Variants in ARID4A observed in about 807,000 individuals in gnomAD.
ARID4A encodes the protein AT-rich interaction domain 4A.
Under a neutral mutation model 148.6 loss-of-function variants are expected in ARID4A, and 39 were observed. That is an observed-to-expected ratio of 0.26 (90% CI 0.20 to 0.34). The LOEUF (loss-of-function observed/expected upper bound fraction) is 0.34, where lower values mean the gene tolerates loss of function less well. Among genes scored for constraint, ARID4A ranks in the 10% least tolerant of loss-of-function variants. The probability of loss-of-function intolerance (pLI) is 1.00; values close to 1 mark genes in which losing one functional copy is unlikely to be tolerated. For synonymous variants in ARID4A, 475 were observed against 481.2 expected (o/e 0.99, Z 0.17); for missense variants, 1,265 against 1,449.1 (o/e 0.87, Z 2.06).
chr14:58,355,575 T>G (rs996047002), intron 17 of ARID4A, among the ~76,000 whole-genome samples: 1 of 152,244 alleles, frequency 6.6e-6, no homozygotes, highest in African/African-American at 2.4e-5. Context: ...ATGCTGTGGC[T>G]AAGCAGGGAC....
At chr14:58,316,873 C>T (rs1185511774) in intron 5 of ARID4A, among the ~76,000 whole-genome samples, 1 of 151,174 alleles carries the variant, frequency 6.6e-6, no homozygotes, top group African/African-American at 2.4e-5. Flanking sequence ...AGTCACCGCG[C>T]CCGGCCAAGT....
In ARID4A at chr14:58,371,433, C is replaced by T. The variant is rs143824395; in HGVS notation, c.3671-453C>T. The stretch of plus-strand genomic sequence containing the variant: ...AACCATTTGAGGACTTTTTGCTTAT[C>T]ACACATCATTACTTTGATCCTGATC... On this transcript the variant is annotated intron_variant, in intron 23 of 23. Coordinates refer to ENST00000355431, the MANE Select transcript of ARID4A (RefSeq NM_002892.4). 6.0e-3 allele frequency among the ~76,000 whole-genome samples: 915 copies of T among 152,258 alleles called. 14 individuals are homozygous for T. Among genetic ancestry groups the T allele is most frequent in the African/African-American group, 0.021 (872 of 41,546 alleles).
intron 3 of ARID4A, chr14:58,303,639 C>A (rs1037025162): frequency 2.3e-5 from 10 of 444,128 alleles, no homozygotes; most frequent in African/African-American, 2.0e-4. Context: ...TTGAATGAAT[C>A]AGTGAACTAG....
chr14:58,319,168 T>C (rs1307799896), intron 7 of ARID4A, among the ~76,000 whole-genome samples: 3 of 152,154 alleles, frequency 2.0e-5, no homozygotes, highest in Non-Finnish European at 2.9e-5. Flanking sequence ...CAAGCAATTC[T>C]CCTGCTTCAG....
At chr14:58,326,246 G>C (rs1043252615) in intron 8 of ARID4A, among the ~76,000 whole-genome samples, 1 of 152,132 alleles carries the variant, frequency 6.6e-6, no homozygotes, top group Non-Finnish European at 1.5e-5. Context: ...GACCATCCTG[G>C]CTAACATGGT....
intron 15 of ARID4A, among the ~76,000 whole-genome samples, chr14:58,349,703 G>A (rs2034544725): frequency 6.6e-6 from 1 of 151,948 alleles, no homozygotes. Flanking sequence ...GATAGAGCGA[G>A]ACTCCATCTC....
At chr14:58,359,997 C>T (rs1376175768) in intron 18 of ARID4A, among the ~76,000 whole-genome samples, 3 of 150,192 alleles carry the variant, frequency 2.0e-5, no homozygotes, top group Non-Finnish European at 4.4e-5. Flanking sequence ...ACCCAGGAGG[C>T]GGAGCTTGCA....
At chr14:58,315,674 A>C (rs2032361901) in intron 5 of ARID4A, among the ~76,000 whole-genome samples, 1 of 152,212 alleles carries the variant, frequency 6.6e-6, no homozygotes, top group Non-Finnish European at 1.5e-5. Flanking sequence ...GTGATAATTT[A>C]ATGATTTAAA....
chr14:58,339,932 C>T (rs1379722615), intron 11 of ARID4A, among the ~76,000 whole-genome samples: 1 of 151,818 alleles, frequency 6.6e-6, no homozygotes, highest in Non-Finnish European at 1.5e-5. Context: ...TCTCATGAGA[C>T]CTCACTACCA....
At chr14:58,342,058 A>G (rs1345643904) in intron 11 of ARID4A, among the ~76,000 whole-genome samples, 1 of 152,216 alleles carries the variant, frequency 6.6e-6, no homozygotes. Flanking sequence ...AGAGCCCCAT[A>G]CAAAAGTCAC....
rs187566384 is a variant in ARID4A, at chr14:58,331,963, A to C, written c.906+1794A>C. ...TCCCTTTATTTTTGCTAATACTTTT[A>C]ATTGCTGTCCGTTCCAGAATGCATT... On this transcript the variant is annotated intron_variant, in intron 11 of 23. Transcript: ENST00000355431. Among the ~76,000 whole-genome samples, 395 of 149,622 alleles carry C rather than the reference A, an allele frequency of 2.6e-3. 2 individuals are homozygous for C. Among genetic ancestry groups the C allele is most frequent in the African/African-American group, 8.1e-3 (330 of 40,632 alleles).
chr14:58,314,413 T>C (rs1340982900), intron 5 of ARID4A, among the ~76,000 whole-genome samples: 1 of 152,194 alleles, frequency 6.6e-6, no homozygotes, highest in Non-Finnish European at 1.5e-5. Flanking sequence ...AAGTTCATAA[T>C]GTTGTTGGTT....
At chr14:58,359,943 G>A (rs1292302806) in intron 18 of ARID4A, among the ~76,000 whole-genome samples, 3 of 152,060 alleles carry the variant, frequency 2.0e-5, no homozygotes, top group Non-Finnish European at 4.4e-5. Context: ...GCCGGCGCCT[G>A]TAGTCCCAGC....
At chr14:58,326,310 A>C (rs200630268) in intron 8 of ARID4A, among the ~76,000 whole-genome samples, 1 of 152,156 alleles carries the variant, frequency 6.6e-6, no homozygotes, top group East Asian at 1.9e-4. Flanking sequence ...GGTGGTAGGC[A>C]CCTGTAGTCC....
intron 11 of ARID4A, among the ~76,000 whole-genome samples, chr14:58,341,147 C>G (rs989358672): frequency 2.6e-5 from 4 of 152,126 alleles, no homozygotes; most frequent in African/African-American, 2.4e-5. Context: ...AGGACTAATT[C>G]AGGCATGCGT....
intron 5 of ARID4A, among the ~76,000 whole-genome samples, chr14:58,313,991 C>T (rs1445373019): frequency 6.6e-6 from 1 of 150,616 alleles, no homozygotes; most frequent in Admixed American, 6.6e-5. Context: ...AATTGCTTTA[C>T]CACTTCTCTA....
At chr14:58,309,825 T>C (rs2031885586) in intron 5 of ARID4A, among the ~76,000 whole-genome samples, 1 of 152,216 alleles carries the variant, frequency 6.6e-6, no homozygotes, top group Admixed American at 6.5e-5. Context: ...TACCTTGTAG[T>C]TACTGTTTTG....
At chr14:58,344,588 A>G (rs976311616) in intron 11 of ARID4A, 107 bp from the exon 12 acceptor site, 34 of 732,150 alleles carry the variant, frequency 4.6e-5, no homozygotes, top group Middle Eastern at 3.9e-4. Flanking sequence ...CAGATTTTTC[A>G]GCTTTATTAA....
At chr14:58,345,021 T>C (rs2034292807) in intron 12 of ARID4A, among the ~76,000 whole-genome samples, 1 of 151,972 alleles carries the variant, frequency 6.6e-6, no homozygotes, top group African/African-American at 2.4e-5. Context: ...TACAGGCACG[T>C]GCCACCATAC....
Sources: allele counts gnomAD v4.1 joint callset (sites outside exome capture counted in the v4.1 genomes callset), GRCh38; gene constraint gnomAD v4.1.1; transcripts MANE v1.5; gene names NCBI Gene and HGNC (gene_info 2026-07-23, HGNC 2026-07-21).